GABRG2: variants seen among roughly 807,000 people sequenced by gnomAD.
GABRG2 encodes gamma-aminobutyric acid type A receptor subunit gamma2, also known as gamma-aminobutyric acid receptor subunit gamma-2.
Under a neutral mutation model 56.4 loss-of-function variants are expected in GABRG2, and 16 were observed. That is an observed-to-expected ratio of 0.28 (90% CI 0.19 to 0.43). The LOEUF (loss-of-function observed/expected upper bound fraction) is 0.43. GABRG2 is among the 20% of genes least tolerant of loss of function. GABRG2 has a pLI of 1.00. For synonymous variants in GABRG2, 208 were observed against 205.5 expected, an observed-to-expected ratio of 1.01 and a Z score of -0.10; for missense variants, 327 against 582.7, an observed-to-expected ratio of 0.56 and a Z score of 4.52.
At chr5:162,150,515 G>A (rs1765293691) in intron 8 of GABRG2, 2 of 152,216 alleles carry the variant, frequency 1.3e-5, no homozygotes, top group Admixed American at 1.3e-4. Flanking sequence ...TTACACACCT[G>A]AACAAAGTGG....
intron 6 of GABRG2, among the ~76,000 whole-genome samples, chr5:162,121,764 T>A (rs1486834188): frequency 6.6e-6 from 1 of 151,962 alleles, no homozygotes; most frequent in Non-Finnish European, 1.5e-5. Flanking sequence ...AGAAGAAAGA[T>A]CATGAAGTGG....
At chr5:162,087,843 C>A (rs1237360983) in intron 1 of GABRG2, among the ~76,000 whole-genome samples, 3 of 152,148 alleles carry the variant, frequency 2.0e-5, no homozygotes, top group Non-Finnish European at 4.4e-5. Flanking sequence ...ATAAAGTAAA[C>A]AATTTGCATT....
intron 6 of GABRG2, among the ~76,000 whole-genome samples, chr5:162,131,207 T>C (rs1412446751): frequency 1.3e-5 from 2 of 152,028 alleles, no homozygotes; most frequent in African/African-American, 4.8e-5. Flanking sequence ...CAGCTGAATA[T>C]GTGTACTATA....
rs1303167531 is a variant in GABRG2, at chr5:162,154,048, G to A, written c.*680G>A. On this transcript the variant is annotated 3_prime_UTR_variant, in exon 10 of 10. Transcript: ENST00000639213. Reference sequence around the variant, plus strand: ...AAAAGATTCCTGAATGTAATTATAAGGATTTGGGTTTGGAAATGGAGGGAG... The same window carrying A: ...AAAAGATTCCTGAATGTAATTATAAAGATTTGGGTTTGGAAATGGAGGGAG... 1 of 152,588 alleles carries A rather than the reference G, an allele frequency of 6.6e-6. No individual in the cohort carries two copies. The highest frequency in any genetic ancestry group is 2.4e-5 in the African/African-American group (1 of 41,422). 9.5% of individuals were successfully genotyped at this position (152,588 alleles called of 1,614,324 possible). A position where few individuals can be genotyped will look rare whatever the true frequency, so the allele number is the denominator to read the frequency against.
chr5:162,143,418 T>A (rs1280766379), intron 7 of GABRG2, among the ~76,000 whole-genome samples: 1 of 152,232 alleles, frequency 6.6e-6, no homozygotes, highest in Non-Finnish European at 1.5e-5. Context: ...TATATGGTGA[T>A]CTTTGTCTTG....
intron 8 of GABRG2, chr5:162,150,472 T>C (rs1431927077): frequency 2.0e-5 from 3 of 152,238 alleles, no homozygotes; most frequent in African/African-American, 7.2e-5. Flanking sequence ...TGTTTTTTAT[T>C]GTGAGTGTTG....
intron 6 of GABRG2, among the ~76,000 whole-genome samples, chr5:162,133,251 C>T (rs902572211): frequency 6.6e-6 from 1 of 152,090 alleles, no homozygotes; most frequent in Non-Finnish European, 1.5e-5. Flanking sequence ...TTTTTCTATA[C>T]TCTGTGTTCG....
At chr5:162,086,184 T>C (rs1160717098) in intron 1 of GABRG2, among the ~76,000 whole-genome samples, 1 of 152,058 alleles carries the variant, frequency 6.6e-6, no homozygotes, top group East Asian at 1.9e-4. Flanking sequence ...CAGCTCCTTT[T>C]AGTATTAACT....
rs116020583 is a variant in GABRG2, at chr5:162,126,447, T to C, written c.770-15717T>C. 4.5e-3 allele frequency among the ~76,000 whole-genome samples: 677 copies of C among 152,074 alleles called. 7 individuals are homozygous for C. Among genetic ancestry groups the C allele is most frequent in the African/African-American group, 0.016 (653 of 41,526 alleles). On this transcript the variant is annotated intron_variant, in intron 6 of 9. Transcript: ENST00000639213. ...ACTTTTGACCTCTATTGTGGGGGGA[T>C]GGAATTATATTAAGTGTGAGACTCC... is the stretch of plus-strand genomic sequence containing the variant.
rs548306755 is a variant in GABRG2, at chr5:162,101,358, A to C, written c.631+41A>C. The C allele has an allele frequency of 6.4e-4, 832 of 1,294,688 alleles. 6 individuals are homozygous for C. The South Asian group carries it at 9.4e-3, about 15-fold the overall frequency. The allele number at this position is 1,294,688 out of a possible 1,614,324, so 80.2% of individuals were successfully genotyped here. A position where few individuals can be genotyped will look rare whatever the true frequency, so the allele number is the denominator to read the frequency against. ...TCTCCATTTGTATCCTCCCTCACCTACAGTCTTTCTGATTGCCATGTTAAT... is the reference window on the plus strand; with the variant it reads ...TCTCCATTTGTATCCTCCCTCACCTCCAGTCTTTCTGATTGCCATGTTAAT... On this transcript the variant is annotated intron_variant, in intron 5 of 9. Transcript: ENST00000639213.
chr5:162,135,969 G>T lies in GABRG2; in HGVS notation c.770-6195G>T, dbSNP rs374182161. Among the ~76,000 whole-genome samples, 222 of 152,290 alleles carry T rather than the reference G, an allele frequency of 1.5e-3. 3 individuals are homozygous for T. The highest frequency in any genetic ancestry group is 5.2e-3 in the African/African-American group (217 of 41,554). ...GACCTGATATCAATGGGCAATTATT[G>T]AAGAGTCTGGAGGTATTTATATGTA... On this transcript the variant is annotated intron_variant, in intron 6 of 9. Coordinates refer to ENST00000639213, the MANE Select transcript of GABRG2 (RefSeq NM_198904.4).
At chr5:162,136,873 T>A (rs2113567810) in intron 6 of GABRG2, among the ~76,000 whole-genome samples, 1 of 152,340 alleles carries the variant, frequency 6.6e-6, no homozygotes, top group Admixed American at 6.5e-5. Flanking sequence ...AGAACTCTTG[T>A]GCCATTATGC....
chr5:162,131,998 C>T (rs1314739098), intron 6 of GABRG2, among the ~76,000 whole-genome samples: 1 of 151,458 alleles, frequency 6.6e-6, no homozygotes, highest in Non-Finnish European at 1.5e-5. Context: ...GTAGAGCCTT[C>T]GGCACCTAGG....
chr5:162,137,673 G>A (rs1250993530), intron 6 of GABRG2, among the ~76,000 whole-genome samples: 1 of 151,688 alleles, frequency 6.6e-6, no homozygotes, highest in African/African-American at 2.4e-5. Context: ...GTGGCGTTTT[G>A]CCCTTTAAAA....
At chr5:162,100,600 T>G (rs546765739) in intron 4 of GABRG2, among the ~76,000 whole-genome samples, 27 of 152,302 alleles carry the variant, frequency 1.8e-4, no homozygotes, top group Non-Finnish European at 3.2e-4. Flanking sequence ...CTGGCAAACA[T>G]TTTTCAAATA....
At chr5:162,100,533 A>T (rs559231781) in intron 4 of GABRG2, 11 of 152,304 alleles carry the variant, frequency 7.2e-5, no homozygotes, top group Admixed American at 3.9e-4. Context: ...TGAGACTGAG[A>T]AAATCTGTAT....
chr5:162,126,363 G>T (rs1467291697), intron 6 of GABRG2, among the ~76,000 whole-genome samples: 1 of 151,910 alleles, frequency 6.6e-6, no homozygotes, highest in African/African-American at 2.4e-5. Flanking sequence ...CCCACCAGTG[G>T]GTCCCTGATA....
intron 1 of GABRG2, among the ~76,000 whole-genome samples, chr5:162,078,369 CTATATATATA>C (rs774147866): frequency 0.039 from 2,108 of 53,652 alleles, 158 homozygotes; most frequent in South Asian, 0.051. Flanking sequence ...GAGCATCTTA[CTATATATATA>C]TATATATATA....
chr5:162,116,549 A>G (rs925724044), intron 6 of GABRG2, among the ~76,000 whole-genome samples: 2 of 151,946 alleles, frequency 1.3e-5, no homozygotes, highest in African/African-American at 4.8e-5. Context: ...AATCCCAAGA[A>G]CAAGCCTGAT....
Sources: allele counts gnomAD v4.1 joint callset (sites outside exome capture counted in the v4.1 genomes callset), GRCh38; gene constraint gnomAD v4.1.1; transcripts MANE v1.5; gene names NCBI Gene and HGNC (gene_info 2026-07-23, HGNC 2026-07-21).